CUX2: variants seen among roughly 807,000 people sequenced by gnomAD.
CUX2 encodes the protein cut like homeobox 2.
A neutral mutation model predicts 144.8 loss-of-function variants in CUX2; 40 were observed. The observed-to-expected ratio is 0.28, with a 90% CI of 0.21 to 0.36. The LOEUF is 0.36. Ranked by LOEUF, CUX2 falls within the 10% of genes least tolerant of loss-of-function variation. The probability of loss-of-function intolerance (pLI) is 1.00; values close to 1 mark genes in which losing one functional copy is unlikely to be tolerated. For missense variants in CUX2, 1,615 were observed against 1,994.0 expected (o/e 0.81, Z 3.62); for synonymous variants, 827 against 875.6 (o/e 0.94, Z 0.98).
intron 18 of CUX2, among the ~76,000 whole-genome samples, chr12:111,333,784 G>A (rs1249237891): frequency 2.0e-5 from 3 of 152,078 alleles, no homozygotes; most frequent in African/African-American, 7.2e-5. Context: ...GCTTGAACCC[G>A]GGAAAGAGGT....
At position 111,186,431 on chromosome 12, in the gene CUX2, G is replaced by A. The variant is rs1352119245; in HGVS notation, c.64-27769G>A. 6.6e-6 allele frequency among the ~76,000 whole-genome samples: 1 copy of A among 152,206 alleles called. No homozygotes were observed. Among genetic ancestry groups the A allele is most frequent in the Non-Finnish European group, 1.5e-5 (1 of 68,032 alleles). The stretch of plus-strand genomic sequence containing the variant: ...CTAAGTTGCTATGACGTTAAGCTGA[G>A]ACCCGAAGCATAAACTAGGCGGGGA... On this transcript the variant is annotated intron_variant, in intron 1 of 21. Transcript: ENST00000261726. The surrounding 1 kb of genome is among the most constrained non-coding windows in gnomAD (Gnocchi z 4.4).
intron 1 of CUX2, among the ~76,000 whole-genome samples, chr12:111,086,123 G>A (rs1436834663): frequency 6.6e-6 from 1 of 152,196 alleles, no homozygotes; most frequent in African/African-American, 2.4e-5. Context: ...GATGGTCATA[G>A]TAATTACCCC....
At chr12:111,165,857 A>G (rs1878104311) in intron 1 of CUX2, among the ~76,000 whole-genome samples, 1 of 152,228 alleles carries the variant, frequency 6.6e-6, no homozygotes, top group East Asian at 1.9e-4. Flanking sequence ...AACATTTACC[A>G]GCATCCTACT....
chr12:111,296,352 A>T, intron 7 of CUX2, 121 bp from the exon 8 acceptor site: 1 of 764,366 alleles, frequency 1.3e-6, no homozygotes, highest in Non-Finnish European at 2.1e-6. Context: ...GATCTCCCTC[A>T]CTACCCGAGC....
chr12:111,206,299 G>A (rs1198995098), intron 1 of CUX2, among the ~76,000 whole-genome samples: 2 of 152,196 alleles, frequency 1.3e-5, no homozygotes, highest in African/African-American at 4.8e-5. Flanking sequence ...GCCACTGCAC[G>A]CCAGGCTGGA....
chr12:111,080,498 C>T (rs538630576), intron 1 of CUX2, among the ~76,000 whole-genome samples: 5 of 151,686 alleles, frequency 3.3e-5, no homozygotes, highest in African/African-American at 1.2e-4. Context: ...GCAGCAAGAC[C>T]CCATCTCTCT....
intron 1 of CUX2, among the ~76,000 whole-genome samples, chr12:111,108,619 A>G (rs990351753): frequency 2.0e-5 from 3 of 151,652 alleles, no homozygotes; most frequent in African/African-American, 7.3e-5. Context: ...TGCCACCTCC[A>G]TACCCACTGT....
chr12:111,326,214 A>G (rs997575764), intron 18 of CUX2, among the ~76,000 whole-genome samples: 18 of 4,972 alleles, frequency 3.6e-3, no homozygotes, highest in Non-Finnish European at 4.2e-3. Flanking sequence ...GTGGTGGGGG[A>G]GGGGTGGGTT....
chr12:111,338,253 G>A (rs756059545), intron 19 of CUX2, 33 bp from the exon 20 acceptor site: 15 of 1,567,710 alleles, frequency 9.6e-6, no homozygotes, highest in African/African-American at 5.4e-5. Flanking sequence ...GCCCAGCCTC[G>A]GGTAACAGAT....
intron 1 of CUX2, among the ~76,000 whole-genome samples, chr12:111,189,509 T>C (rs918116185): frequency 3.3e-5 from 5 of 152,358 alleles, no homozygotes; most frequent in Admixed American, 2.0e-4. Context: ...TCAATATTGT[T>C]TGTTGTGGTA....
chr12:111,223,954 TGCTTA>T (rs1411803561), intron 3 of CUX2, among the ~76,000 whole-genome samples: 1 of 152,152 alleles, frequency 6.6e-6, no homozygotes, highest in Non-Finnish European at 1.5e-5. Flanking sequence ...CATTCACTGG[TGCTTA>T]GCATCATCTG....
At chr12:111,043,751 C>T (rs1247457255) in intron 1 of CUX2, among the ~76,000 whole-genome samples, 1 of 152,130 alleles carries the variant, frequency 6.6e-6, no homozygotes, top group Non-Finnish European at 1.5e-5. Flanking sequence ...GAAGACTATG[C>T]CTCTGAAAGG....
intron 1 of CUX2, among the ~76,000 whole-genome samples, chr12:111,081,117 C>A (rs1166268490): frequency 6.6e-6 from 1 of 152,090 alleles, no homozygotes; most frequent in Non-Finnish European, 1.5e-5. Context: ...TCAGCCCTCA[C>A]CATGCTGTCA....
chr12:111,322,948 G>A lies in CUX2; in HGVS notation c.2926+368G>A, dbSNP rs992567575. On this transcript the variant is annotated intron_variant, in intron 18 of 21. Transcript: ENST00000261726. The surrounding 1 kb of genome is among the most constrained non-coding windows in gnomAD (Gnocchi z 4.2). ...CAGCTCTGTTTCCTGAAGACCTAGC[G>A]TGCAGCCTCAGACTCCTTCTTAGCA... is the stretch of plus-strand genomic sequence containing the variant. Among the ~76,000 whole-genome samples, 8 of 152,214 alleles carry A rather than the reference G, an allele frequency of 5.3e-5. No individual in the cohort carries two copies. Among genetic ancestry groups the A allele is most frequent in the South Asian group, 2.1e-4 (1 of 4,836 alleles).
In CUX2 at chr12:111,212,112, G is replaced by A. The variant is rs959207028; in HGVS notation, c.64-2088G>A. Among the ~76,000 whole-genome samples, 7 of 152,010 alleles carry A rather than the reference G, an allele frequency of 4.6e-5. No individual in the cohort carries two copies. In the South Asian group the frequency reaches 6.2e-4, roughly 14 times the overall value. ...AGTGAGATTCTGTCCACCTGGCCGC[G>A]CCAGTCTACCTTTGTCTATTGCTGC... On this transcript the variant is annotated intron_variant, in intron 1 of 21. Transcript: ENST00000261726.
At chr12:111,177,015 T>C (rs1878896070) in intron 1 of CUX2, among the ~76,000 whole-genome samples, 3 of 152,148 alleles carry the variant, frequency 2.0e-5, no homozygotes, top group Admixed American at 2.0e-4. Flanking sequence ...GTTGTGACTA[T>C]CAAATATATC....
chr12:111,096,450 G>A (rs543235044), intron 1 of CUX2, among the ~76,000 whole-genome samples: 6 of 152,322 alleles, frequency 3.9e-5, no homozygotes, highest in East Asian at 1.9e-4. Flanking sequence ...GGTGCTCCCC[G>A]TATGGAATCT....
rs557839413 is a variant in CUX2 at position 111,216,147 on chromosome 12, G to A, written c.175-1743G>A. On this transcript the variant is annotated intron_variant, in intron 2 of 21. Coordinates refer to ENST00000261726, the MANE Select transcript of CUX2 (RefSeq NM_015267.4). ...TTCTAGAAATGGGCAGCATTAGCACGAAGTCCCGCCAAACCCATCCCTCCC... is the reference window on the plus strand; with the variant it reads ...TTCTAGAAATGGGCAGCATTAGCACAAAGTCCCGCCAAACCCATCCCTCCC... 6.6e-5 allele frequency among the ~76,000 whole-genome samples: 10 copies of A among 152,332 alleles called. No homozygotes were observed. The East Asian group carries it at 9.7e-4, about 15-fold the overall frequency.
chr12:111,119,157 A>C (rs971649700), intron 1 of CUX2, among the ~76,000 whole-genome samples: 2 of 152,224 alleles, frequency 1.3e-5, no homozygotes, highest in African/African-American at 4.8e-5. Flanking sequence ...ATTGTGGGCC[A>C]TAGGGTCTCT....
Sources: gnomAD v4.1 joint callset for allele counts (sites outside exome capture counted in the v4.1 genomes callset) on GRCh38, gnomAD v4.1.1 for gene constraint, Gnocchi (gnomAD v3.1) non-coding constraint, MANE v1.5 for transcripts, NCBI Gene and HGNC (gene_info 2026-07-23, HGNC 2026-07-21) for gene names.